YPEL2: variants seen among roughly 807,000 people sequenced by gnomAD.
YPEL2 encodes the protein yippee like 2, also known as protein yippee-like 2.
Under a neutral mutation model 19.1 loss-of-function variants are expected in YPEL2, and 2 were observed. That is an observed-to-expected ratio of 0.10 (90% CI 0.04 to 0.33). YPEL2 has a LOEUF of 0.33. Ranked by LOEUF, YPEL2 falls within the 10% of genes least tolerant of loss-of-function variation. The pLI is 1.00. For missense variants in YPEL2, 66 were observed against 140.7 expected, an observed-to-expected ratio of 0.47 and a Z score of 2.68; for synonymous variants, 52 against 50.0, an observed-to-expected ratio of 1.04 and a Z score of -0.17.
chr17:59,332,504 G>C (rs557592090), intron 1 of YPEL2, among the ~76,000 whole-genome samples: 1 of 152,262 alleles, frequency 6.6e-6, no homozygotes, highest in East Asian at 1.9e-4. Context: ...GCGCCTCCCC[G>C]GAGCTGGCGC....
At chr17:59,373,171 TTTA>T (rs1363147542) in intron 2 of YPEL2, among the ~76,000 whole-genome samples, 2 of 152,192 alleles carry the variant, frequency 1.3e-5, no homozygotes, top group African/African-American at 2.4e-5. Flanking sequence ...CCAGCCTATT[TTTA>T]TTATTATATG....
At chr17:59,340,044 C>T (rs1296589780) in intron 1 of YPEL2, among the ~76,000 whole-genome samples, 2 of 151,922 alleles carry the variant, frequency 1.3e-5, no homozygotes, top group African/African-American at 4.8e-5. Flanking sequence ...GTCTGATTAA[C>T]CATGGCCAGG....
At chr17:59,393,504 TTTTTA>T (rs1431261828) in intron 4 of YPEL2, among the ~76,000 whole-genome samples, 16 of 150,096 alleles carry the variant, frequency 1.1e-4, no homozygotes, top group East Asian at 5.8e-4. Flanking sequence ...ATTTTTTATT[TTTTTA>T]TTTTATTTAT....
intron 4 of YPEL2, among the ~76,000 whole-genome samples, chr17:59,389,737 C>T (rs926383683): frequency 2.0e-5 from 3 of 151,686 alleles, no homozygotes; most frequent in African/African-American, 7.3e-5. Context: ...CGACAGCTCA[C>T]TAGATGCCAG....
intron 2 of YPEL2, among the ~76,000 whole-genome samples, chr17:59,385,408 G>A (rs908904345): frequency 7.2e-5 from 11 of 152,008 alleles, no homozygotes; most frequent in Admixed American, 6.6e-5. Flanking sequence ...GCAAGATTCC[G>A]TCTCTACAAA....
At chr17:59,363,711 G>A (rs895357689) in intron 2 of YPEL2, among the ~76,000 whole-genome samples, 21 of 152,174 alleles carry the variant, frequency 1.4e-4, no homozygotes, top group African/African-American at 4.6e-4. Context: ...TTTCAATGTG[G>A]GGATTAAGGC....
At chr17:59,375,182 C>T (rs1012804995) in intron 2 of YPEL2, among the ~76,000 whole-genome samples, 4 of 152,084 alleles carry the variant, frequency 2.6e-5, no homozygotes, top group Non-Finnish European at 5.9e-5. Context: ...GCATGGTTGA[C>T]CTTTGCGCAT....
chr17:59,382,179 C>G (rs1447716423), intron 2 of YPEL2, among the ~76,000 whole-genome samples: 1 of 152,222 alleles, frequency 6.6e-6, no homozygotes, highest in Non-Finnish European at 1.5e-5. Flanking sequence ...GCCGAGGAAA[C>G]AGAGGTTCAT....
At chr17:59,352,520 C>G (rs1029673415) in intron 1 of YPEL2, among the ~76,000 whole-genome samples, 1 of 152,074 alleles carries the variant, frequency 6.6e-6, no homozygotes, top group African/African-American at 2.4e-5. Context: ...ATTTTAGATG[C>G]AGGATTCTGA....
chr17:59,381,797 A>G (rs548284674), intron 2 of YPEL2, among the ~76,000 whole-genome samples: 14 of 152,378 alleles, frequency 9.2e-5, no homozygotes, highest in African/African-American at 3.4e-4. Context: ...GATACACAAC[A>G]TGGAAAAGAG....
At chr17:59,389,286 G>A (rs2047996233) in intron 3 of YPEL2, 74 bp from the exon 4 acceptor site, 3 of 1,369,590 alleles carry the variant, frequency 2.2e-6, no homozygotes, top group Admixed American at 2.0e-5. Context: ...GTTAATTTTT[G>A]CTGGAAGCTC....
At chr17:59,389,097 G>A (rs75733627) in intron 3 of YPEL2, 7,900 of 495,556 alleles carry the variant, frequency 0.016, 97 homozygotes, top group Middle Eastern at 0.029. Context: ...GTATTTGTTA[G>A]AAAAATTAAA....
intron 2 of YPEL2, among the ~76,000 whole-genome samples, chr17:59,376,949 C>CAAAAAAAAAAAAAAAAAA (rs59030676): frequency 2.1e-5 from 1 of 48,544 alleles, no homozygotes; most frequent in East Asian, 5.5e-4. Context: ...CACACTGTCT[C>CAAAAAAAAAAAAAAAAAA]AAAAAAAAAA....
At chr17:59,332,735 T>C (rs2047678216) in intron 1 of YPEL2, among the ~76,000 whole-genome samples, 1 of 152,196 alleles carries the variant, frequency 6.6e-6, no homozygotes, top group Non-Finnish European at 1.5e-5. Context: ...TGTCTTGTTT[T>C]CCTCCGCTTG....
chr17:59,354,248 C>G (rs904866111), intron 2 of YPEL2: 1 of 152,154 alleles, frequency 6.6e-6, no homozygotes, highest in Admixed American at 6.6e-5. Context: ...CCTCCTGGCC[C>G]TAGATTCCCA....
chr17:59,337,459 GA>G (rs1186076259), intron 1 of YPEL2, among the ~76,000 whole-genome samples: 1 of 152,068 alleles, frequency 6.6e-6, no homozygotes, highest in Non-Finnish European at 1.5e-5. Flanking sequence ...AAAGTGCTGG[GA>G]TTACAAGCGT....
At chr17:59,339,954 A>G (rs1196069770) in intron 1 of YPEL2, among the ~76,000 whole-genome samples, 1 of 151,972 alleles carries the variant, frequency 6.6e-6, no homozygotes, top group Non-Finnish European at 1.5e-5. Flanking sequence ...TCCTCCAACC[A>G]AGGCTTACTG....
intron 1 of YPEL2, among the ~76,000 whole-genome samples, chr17:59,337,987 A>C (rs2047708113): frequency 6.6e-6 from 1 of 152,210 alleles, no homozygotes; most frequent in African/African-American, 2.4e-5. Flanking sequence ...TTCTAGGCAG[A>C]GTCTACCTTC....
Position 59,397,598 on chromosome 17 carries a change from C to T in YPEL2, c.*408C>T, listed in dbSNP as rs1421676447. 3 of 160,370 alleles carry T rather than the reference C, an allele frequency of 1.9e-5. No homozygotes were observed. Among genetic ancestry groups the T allele is most frequent in the Middle Eastern group, 3.1e-3 (1 of 324 alleles). 9.9% of individuals were successfully genotyped at this position (160,370 alleles called of 1,614,324 possible). A position where few individuals can be genotyped will look rare whatever the true frequency, so the allele number is the denominator to read the frequency against. ...AGGGGAAACTCTAAGGGTCCTGGCG[C>T]GGGGAAGGGGTGGAAGGGTGGAGGT... On this transcript the variant is annotated 3_prime_UTR_variant, in exon 5 of 5. Coordinates refer to ENST00000312655, the MANE Select transcript of YPEL2 (RefSeq NM_001005404.4).
Sources: allele counts gnomAD v4.1 joint callset (sites outside exome capture counted in the v4.1 genomes callset), GRCh38; gene constraint gnomAD v4.1.1; transcripts MANE v1.5; gene names NCBI Gene and HGNC (gene_info 2026-07-23, HGNC 2026-07-21).